PLEKHH2: variants seen among roughly 807,000 people sequenced by gnomAD.
PLEKHH2 encodes pleckstrin homology domain-containing family H member 2.
A neutral mutation model predicts 187.9 loss-of-function variants in PLEKHH2; 129 were observed. That is an observed-to-expected ratio of 0.69 (90% CI 0.59 to 0.79). The LOEUF is 0.79. Among genes scored for constraint, PLEKHH2 ranks in the 30% least tolerant of loss-of-function variants. The pLI is 0.00. For missense variants in PLEKHH2, 2,076 were observed against 1,751.2 expected, an observed-to-expected ratio of 1.19 and a Z score of -3.31; for synonymous variants, 686 against 605.6, an observed-to-expected ratio of 1.13 and a Z score of -1.95.
chr2:43,637,830 CA>C (rs957769083), intron 1 of PLEKHH2, among the ~76,000 whole-genome samples: 4 of 152,206 alleles, frequency 2.6e-5, no homozygotes, highest in Non-Finnish European at 5.9e-5. Flanking sequence ...ACTTTAAACT[CA>C]AAACTTTAAA....
rs781176473 is a variant in PLEKHH2 at position 43,738,432 on chromosome 2, C to T, written c.3035C>T (p.Thr1012Ile). 6.2e-7 allele frequency: 1 copy of T among 1,614,030 alleles called. No individual in the cohort carries two copies. The highest frequency in any genetic ancestry group is 8.5e-7 in the Non-Finnish European group (1 of 1,179,948). The change falls in exon 20 of 30, where the codon ACA becomes ATA. Residue 1012 changes from threonine to isoleucine, a missense_variant. Coordinates refer to ENST00000282406, the MANE Select transcript of PLEKHH2 (RefSeq NM_172069.4). The part of the protein sequence containing the change: ...LAQSALQICL[T>I]HPELQNEICC... ...CAGAGTGCTTTGCAAATCTGCCTGA[C>T]ACATCCTGAGCTGCAGAATGAAATT...
chr2:43,658,973 CT>C (rs34486426), intron 2 of PLEKHH2: 95 of 122,790 alleles, frequency 7.7e-4, no homozygotes, highest in East Asian at 4.4e-3. Flanking sequence ...TTTTTTCTTT[CT>C]TTTTTTTTTT....
intron 15 of PLEKHH2, among the ~76,000 whole-genome samples, chr2:43,718,306 G>A (rs1340810151): frequency 4.6e-5 from 7 of 152,188 alleles, no homozygotes; most frequent in Admixed American, 3.9e-4. Flanking sequence ...TTGGGAGGCC[G>A]AGGCGGGCAG....
chr2:43,748,344 C>G (rs1671863295), intron 24 of PLEKHH2, among the ~76,000 whole-genome samples: 1 of 152,230 alleles, frequency 6.6e-6, no homozygotes. Context: ...CTGGAGGGAC[C>G]TGTTTCCCTT....
chr2:43,719,275 C>A (rs1320661394), intron 15 of PLEKHH2, among the ~76,000 whole-genome samples: 1 of 152,180 alleles, frequency 6.6e-6, no homozygotes, highest in Non-Finnish European at 1.5e-5. Context: ...GTCCCAGTCA[C>A]TTAACTTAGT....
In PLEKHH2 at chr2:43,694,327, T is replaced by G. The variant is rs1278544827; in HGVS notation, c.337-104T>G. 3.1e-6 allele frequency: 4 copies of G among 1,300,236 alleles called. No individual in the cohort carries two copies. The East Asian group carries it at 1.2e-4, about 37-fold the overall frequency. 80.5% of individuals were successfully genotyped at this position (1,300,236 alleles called of 1,614,324 possible). A position where few individuals can be genotyped will look rare whatever the true frequency, so the allele number is the denominator to read the frequency against. On this transcript the variant is annotated intron_variant, in intron 4 of 29. Coordinates refer to ENST00000282406, the MANE Select transcript of PLEKHH2 (RefSeq NM_172069.4). ...GTAATTTGAAAGCAGATATAGTAACTTGGAATCAAGTTTTAAGTGGATATG... is the reference window on the plus strand; with the variant it reads ...GTAATTTGAAAGCAGATATAGTAACGTGGAATCAAGTTTTAAGTGGATATG...
chr2:43,739,677 C>CT (rs1326637834), intron 20 of PLEKHH2, among the ~76,000 whole-genome samples: 5 of 152,226 alleles, frequency 3.3e-5, no homozygotes, highest in African/African-American at 1.2e-4. Context: ...ATCAAGAACA[C>CT]TTTGTCATCT....
At chr2:43,651,462 C>T (rs116163277) in intron 2 of PLEKHH2, among the ~76,000 whole-genome samples, 2,274 of 152,230 alleles carry the variant, frequency 0.015, 56 homozygotes, top group African/African-American at 0.052. Context: ...AGCATTTTTC[C>T]TATTATGAAT....
intron 22 of PLEKHH2, among the ~76,000 whole-genome samples, chr2:43,743,519 TGTACTATA>T (rs1239847779): frequency 1.3e-5 from 2 of 152,272 alleles, no homozygotes; most frequent in Non-Finnish European, 2.9e-5. Flanking sequence ...GATTGCATAT[TGTACTATA>T]GTTCTTGGTT....
At chr2:43,734,111 C>G (rs1196054399) in intron 19 of PLEKHH2, among the ~76,000 whole-genome samples, 1 of 152,126 alleles carries the variant, frequency 6.6e-6, no homozygotes, top group Admixed American at 6.6e-5. Flanking sequence ...TTACTTGGGA[C>G]AATTTCCAAC....
intron 3 of PLEKHH2, 70 bp downstream of exon 3, chr2:43,678,995 G>T (rs575941820): frequency 9.3e-7 from 1 of 1,071,034 alleles, no homozygotes; most frequent in Non-Finnish European, 1.4e-6. Context: ...TGCTCATAAT[G>T]GAAAGACAAT....
At chr2:43,651,345 G>A (rs896575512) in intron 2 of PLEKHH2, among the ~76,000 whole-genome samples, 1 of 152,144 alleles carries the variant, frequency 6.6e-6, no homozygotes, top group Non-Finnish European at 1.5e-5. Flanking sequence ...GAGATTATAG[G>A]CGTGAGCCAC....
Position 43,710,050 on chromosome 2 carries a change from C to T in PLEKHH2, c.2027C>T (p.Ser676Phe). ...SDYAIPPDAY[S>F]TDTEYSQPEQ... ...TATGCTATTCCTCCTGATGCTTACT[C>T]CACAGACACGGAGTACTCACAGCCA... The change falls in exon 12 of 30, where the codon TCC (serine) becomes TTC (phenylalanine). Residue 676 changes from serine (S) to phenylalanine (F), a missense_variant. Ser to Phe is a radical substitution (Grantham distance 155). Coordinates refer to ENST00000282406, the MANE Select transcript of PLEKHH2 (RefSeq NM_172069.4). 1 of 1,613,302 alleles carries T rather than the reference C, an allele frequency of 6.2e-7. No homozygotes were observed. Among genetic ancestry groups the T allele is most frequent in the Non-Finnish European group, 8.5e-7 (1 of 1,179,352 alleles).
At chr2:43,696,633 A>G (rs1572572864) in intron 6 of PLEKHH2, among the ~76,000 whole-genome samples, 1 of 151,736 alleles carries the variant, frequency 6.6e-6, no homozygotes, top group East Asian at 1.9e-4. Flanking sequence ...TATTGTGGTT[A>G]CCATAGACCC....
At chr2:43,706,233 G>A (rs1669649369) in intron 9 of PLEKHH2, 89 bp from the exon 10 acceptor site, 2 of 889,418 alleles carry the variant, frequency 2.2e-6, no homozygotes, top group Non-Finnish European at 3.7e-6. Flanking sequence ...TTTTTAAATG[G>A]AGATTATGCT....
chr2:43,671,394 T>C (rs1667492066), intron 2 of PLEKHH2, among the ~76,000 whole-genome samples: 1 of 152,218 alleles, frequency 6.6e-6, no homozygotes, highest in African/African-American at 2.4e-5. Flanking sequence ...TTTGGGACTT[T>C]ATGTGTAGAT....
rs113675640 is a variant in PLEKHH2 at position 43,697,090 on chromosome 2, A to C, written c.503-81A>C. On this transcript the variant is annotated intron_variant, in intron 6 of 29. Coordinates refer to ENST00000282406, the MANE Select transcript of PLEKHH2 (RefSeq NM_172069.4). ...TTCTGGCATAAAGAGTGATTTGTTC[A>C]AGTTTTTATATGCCTTGGTTCTATG... 1.7e-3 allele frequency: 2,107 copies of C among 1,208,908 alleles called. 35 individuals are homozygous for C. The African/African-American group carries it at 0.03, about 17-fold the overall frequency. 74.9% of individuals were successfully genotyped at this position (1,208,908 alleles called of 1,614,324 possible). A position where few individuals can be genotyped will look rare whatever the true frequency, so the allele number is the denominator to read the frequency against.
chr2:43,744,790 C>A (rs1671707523), intron 23 of PLEKHH2, among the ~76,000 whole-genome samples: 1 of 150,902 alleles, frequency 6.6e-6, no homozygotes, highest in Non-Finnish European at 1.5e-5. Context: ...ATCTCTTGAG[C>A]CCATGAGGTC....
At chr2:43,676,870 C>T (rs1267551154) in intron 2 of PLEKHH2, among the ~76,000 whole-genome samples, 1 of 152,130 alleles carries the variant, frequency 6.6e-6, no homozygotes, top group Non-Finnish European at 1.5e-5. Context: ...ACCTAGCACC[C>T]ACGGAGTTCA....
Sources: gnomAD v4.1 joint callset for allele counts (sites outside exome capture counted in the v4.1 genomes callset) on GRCh38, gnomAD v4.1.1 for gene constraint, MANE v1.5 for transcripts, NCBI Gene and HGNC (gene_info 2026-07-23, HGNC 2026-07-21) for gene names.